The following PTPRM variants were observed in gnomAD, a reference collection of about 807,000 sequenced individuals.
PTPRM encodes receptor-type tyrosine-protein phosphatase mu.
A neutral mutation model predicts 186.7 loss-of-function variants in PTPRM; 47 were observed. That is an observed-to-expected ratio of 0.25 (90% CI 0.20 to 0.32). PTPRM has a LOEUF of 0.32. PTPRM is among the 10% of genes least tolerant of loss of function. The pLI, the probability that PTPRM is intolerant of heterozygous loss-of-function variation, is 1.00. For synonymous variants in PTPRM, 668 were observed against 674.9 expected (o/e 0.99, Z 0.16); for missense variants, 1,494 against 1,865.0 (o/e 0.80, Z 3.66).
At chr18:7,847,314 G>A (rs1488387963) in intron 2 of PTPRM, among the ~76,000 whole-genome samples, 2 of 151,656 alleles carry the variant, frequency 1.3e-5, no homozygotes, top group Non-Finnish European at 2.9e-5. Flanking sequence ...CTACAGGCAT[G>A]TGCCACCACA....
At chr18:7,876,007 G>C (rs775021790) in intron 2 of PTPRM, among the ~76,000 whole-genome samples, 1 of 152,128 alleles carries the variant, frequency 6.6e-6, no homozygotes, top group Non-Finnish European at 1.5e-5. Flanking sequence ...AAGTATTTGT[G>C]TGTCTAAACA....
At chr18:8,345,236 GA>G (rs2095498815) in intron 23 of PTPRM, among the ~76,000 whole-genome samples, 1 of 137,934 alleles carries the variant, frequency 7.2e-6, no homozygotes, top group South Asian at 2.4e-4. Flanking sequence ...CAAAACCAAA[GA>G]AAAAAAAAAG....
intron 7 of PTPRM, among the ~76,000 whole-genome samples, chr18:7,994,242 C>A (rs554118162): frequency 6.7e-6 from 1 of 148,682 alleles, no homozygotes; most frequent in African/African-American, 2.5e-5. Context: ...ATAAAGGGAT[C>A]AATTCAGCAA....
chr18:8,092,834 A>G (rs919410321), intron 11 of PTPRM, among the ~76,000 whole-genome samples: 1 of 152,058 alleles, frequency 6.6e-6, no homozygotes. Context: ...AAACAAACAA[A>G]CAAAAAACAT....
At chr18:8,149,245 G>A (rs1255061546) in intron 14 of PTPRM, among the ~76,000 whole-genome samples, 2 of 152,160 alleles carry the variant, frequency 1.3e-5, no homozygotes, top group African/African-American at 4.8e-5. Context: ...AATATTGACA[G>A]TGGGGTGTTA....
intron 7 of PTPRM, among the ~76,000 whole-genome samples, chr18:8,008,446 C>G (rs569432826): frequency 2.0e-5 from 3 of 152,200 alleles, no homozygotes; most frequent in East Asian, 3.9e-4. Context: ...AATAAAAGGT[C>G]TTTACTTATT....
At chr18:8,119,407 T>C (rs1217770527) in intron 13 of PTPRM, among the ~76,000 whole-genome samples, 1 of 152,214 alleles carries the variant, frequency 6.6e-6, no homozygotes, top group Non-Finnish European at 1.5e-5. Flanking sequence ...TCTGTTGAGA[T>C]GTAAAGCTAA....
Position 7,821,018 on chromosome 18 carries a change from A to C in PTPRM, c.196+46747A>C, listed in dbSNP as rs138404196. On this transcript the variant is annotated intron_variant, in intron 2 of 32. Transcript: ENST00000580170. The stretch of plus-strand genomic sequence containing the variant: ...ACAAGTCAGCCTGCCTTGTGGAGCT[A>C]CTGATTAGAGAAAGAGGAGGAAATT... Among the ~76,000 whole-genome samples the C allele has an allele frequency of 2.8e-3, 424 of 152,240 alleles. 1 individual carries two copies. The highest frequency in any genetic ancestry group is 9.7e-3 in the African/African-American group (403 of 41,556).
Position 7,887,888 on chromosome 18 carries a change from G to T in PTPRM, c.197-218G>T, listed in dbSNP as rs1465905929. On this transcript the variant is annotated intron_variant, in intron 2 of 32. Coordinates refer to ENST00000580170, the MANE Select transcript of PTPRM (RefSeq NM_001105244.2). ...AAGTCAAATTACAGTAACATCCAGG[G>T]AATTTTCCATTAATACTATGTGCAC... 5.5e-6 allele frequency: 4 copies of T among 720,992 alleles called. No individual in the cohort carries two copies. In the East Asian group the frequency reaches 1.0e-4, roughly 18 times the overall value. The allele number at this position is 720,992 out of a possible 1,614,324, so 44.7% of individuals were successfully genotyped here.
intron 13 of PTPRM, among the ~76,000 whole-genome samples, chr18:8,124,120 T>A (rs773849600): frequency 2.0e-5 from 3 of 152,170 alleles, no homozygotes; most frequent in Non-Finnish European, 4.4e-5. Context: ...CACACACAAC[T>A]GCAGTGCATG....
chr18:7,744,217 G>T (rs973292776), intron 1 of PTPRM, among the ~76,000 whole-genome samples: 16 of 152,170 alleles, frequency 1.1e-4, no homozygotes, highest in Non-Finnish European at 1.5e-5. Context: ...ACAAAAGAAT[G>T]ATTAGTGTGT....
At chr18:7,812,163 T>A (rs2044558059) in intron 2 of PTPRM, among the ~76,000 whole-genome samples, 1 of 152,246 alleles carries the variant, frequency 6.6e-6, no homozygotes, top group Non-Finnish European at 1.5e-5. Context: ...TAGGCATTAC[T>A]GAGTGACTGA....
chr18:8,147,310 C>T (rs1420706468), intron 14 of PTPRM, among the ~76,000 whole-genome samples: 3 of 152,086 alleles, frequency 2.0e-5, no homozygotes, highest in Non-Finnish European at 4.4e-5. Flanking sequence ...TGTTTGTGTC[C>T]TCTCTTATTT....
chr18:7,988,672 C>A (rs749842244), intron 7 of PTPRM, among the ~76,000 whole-genome samples: 1 of 152,126 alleles, frequency 6.6e-6, no homozygotes, highest in Non-Finnish European at 1.5e-5. Flanking sequence ...TGGTTTTCCA[C>A]GTGTCTGACT....
chr18:7,828,150 A>G (rs1277999824), intron 2 of PTPRM, among the ~76,000 whole-genome samples: 1 of 152,260 alleles, frequency 6.6e-6, no homozygotes, highest in Non-Finnish European at 1.5e-5. Flanking sequence ...CAAATGAGGC[A>G]GGATTGTAGA....
At chr18:7,878,247 C>T (rs2048338109) in intron 2 of PTPRM, among the ~76,000 whole-genome samples, 1 of 152,128 alleles carries the variant, frequency 6.6e-6, no homozygotes, top group East Asian at 1.9e-4. Context: ...GTTAATTAAT[C>T]CAACAGATTA....
intron 32 of PTPRM, among the ~76,000 whole-genome samples, chr18:8,399,363 C>A (rs1484080632): frequency 6.6e-6 from 1 of 152,154 alleles, no homozygotes; most frequent in African/African-American, 2.4e-5. Context: ...TAGCACCTAG[C>A]ACGAGGGACT....
chr18:8,224,459 C>T (rs746460049), intron 14 of PTPRM, among the ~76,000 whole-genome samples: 6 of 152,160 alleles, frequency 3.9e-5, no homozygotes, highest in Non-Finnish European at 5.9e-5. Flanking sequence ...CTTCATATGG[C>T]GTGTGCATCT....
At chr18:8,246,455 G>T (rs532271304) in intron 15 of PTPRM, among the ~76,000 whole-genome samples, 3 of 152,262 alleles carry the variant, frequency 2.0e-5, no homozygotes, top group African/African-American at 7.2e-5. Context: ...TACAGGTAGT[G>T]GGAATGGGTT....
Sources: allele counts gnomAD v4.1 joint callset (sites outside exome capture counted in the v4.1 genomes callset), GRCh38; gene constraint gnomAD v4.1.1; transcripts MANE v1.5; gene names NCBI Gene and HGNC (gene_info 2026-07-23, HGNC 2026-07-21).